Variants in RBFOX1 observed in about 807,000 individuals in gnomAD.
RBFOX1 encodes RNA binding fox-1 homolog 1, also known as RNA binding protein fox-1 homolog 1.
A neutral mutation model predicts 57.7 loss-of-function variants in RBFOX1; 8 were observed. The observed-to-expected ratio is 0.14, with a 90% confidence interval of 0.08 to 0.25. The LOEUF (loss-of-function observed/expected upper bound fraction) is 0.25, where lower values mean the gene tolerates loss of function less well. RBFOX1 is among the 10% of genes least tolerant of loss of function. RBFOX1 has a pLI of 1.00. For missense variants in RBFOX1, 611 were observed against 548.5 expected, an observed-to-expected ratio of 1.11 and a Z score of -1.14; for synonymous variants, 326 against 222.4, an observed-to-expected ratio of 1.47 and a Z score of -4.15.
At chr16:6,482,942 A>C (rs2095395318) in intron 2 of RBFOX1, among the ~76,000 whole-genome samples, 1 of 152,140 alleles carries the variant, frequency 6.6e-6, no homozygotes, top group African/African-American at 2.4e-5. Context: ...TCAAGTGCGG[A>C]CTCAGGGAAC....
chr16:6,707,026 C>A (rs1335616816), intron 3 of RBFOX1, among the ~76,000 whole-genome samples: 1 of 152,180 alleles, frequency 6.6e-6, no homozygotes, highest in African/African-American at 2.4e-5. Context: ...TATATCATCT[C>A]TAATGATCCA....
chr16:5,785,172 CG>C, intron 3 of RBFOX1, among the ~76,000 whole-genome samples: 1 of 152,110 alleles, frequency 6.6e-6, no homozygotes, highest in African/African-American at 2.4e-5. Context: ...GGACATTCAA[CG>C]GTCCTTGCTA....
chr16:5,605,623 A>AG (rs2047544965), intron 3 of RBFOX1, among the ~76,000 whole-genome samples: 1 of 151,262 alleles, frequency 6.6e-6, no homozygotes, highest in African/African-American at 2.4e-5. Context: ...TGGGTCTAGG[A>AG]GGGGAGAGTG....
At chr16:7,191,044 A>G (rs946566176) in intron 4 of RBFOX1, among the ~76,000 whole-genome samples, 4 of 152,072 alleles carry the variant, frequency 2.6e-5, no homozygotes, top group African/African-American at 9.7e-5. Context: ...GATCAATCCT[A>G]TTCGGGGACC....
intron 4 of RBFOX1, among the ~76,000 whole-genome samples, chr16:7,380,415 C>G (rs551680500): frequency 2.0e-5 from 3 of 151,976 alleles, no homozygotes; most frequent in South Asian, 2.1e-4. Context: ...GACTTTATGT[C>G]TATGACTCTG....
intron 3 of RBFOX1, among the ~76,000 whole-genome samples, chr16:6,925,085 CGTT>C (rs896725085): frequency 1.0e-4 from 11 of 109,056 alleles, no homozygotes; most frequent in Non-Finnish European, 1.4e-4. Flanking sequence ...TCCAGTCTAT[CGTT>C]GTTGGACATC....
chr16:7,559,139 G>C (rs963924343), intron 5 of RBFOX1, among the ~76,000 whole-genome samples: 3 of 152,216 alleles, frequency 2.0e-5, no homozygotes, highest in Non-Finnish European at 4.4e-5. Flanking sequence ...CAAAATGTCA[G>C]AGAAAGCTGC....
intron 1 of RBFOX1, among the ~76,000 whole-genome samples, chr16:6,258,386 AAAC>A (rs578256921): frequency 4.1e-4 from 62 of 152,286 alleles, no homozygotes; most frequent in African/African-American, 1.4e-3. Context: ...TGTGTTTCTA[AAAC>A]AACAATTTCT....
intron 2 of RBFOX1, among the ~76,000 whole-genome samples, chr16:6,595,221 C>A (rs11644222): frequency 1.3e-5 from 2 of 152,098 alleles, no homozygotes; most frequent in Non-Finnish European, 2.9e-5. Flanking sequence ...TACACCCTTA[C>A]CCCACCCTGT....
At chr16:7,611,850 T>C (rs965658177) in intron 10 of RBFOX1, among the ~76,000 whole-genome samples, 1 of 152,200 alleles carries the variant, frequency 6.6e-6, no homozygotes, top group Non-Finnish European at 1.5e-5. Context: ...TAAAAATCTT[T>C]CTAAATGCTT....
At chr16:5,405,205 C>T (rs190000123) in intron 1 of RBFOX1, among the ~76,000 whole-genome samples, 6 of 152,124 alleles carry the variant, frequency 3.9e-5, no homozygotes, top group Admixed American at 1.3e-4. Context: ...CAGGACCATG[C>T]GCTTCCTTGG....
chr16:7,121,660 A>C (rs903782135), intron 4 of RBFOX1, among the ~76,000 whole-genome samples: 1 of 152,054 alleles, frequency 6.6e-6, no homozygotes, highest in East Asian at 1.9e-4. Context: ...ATACAAATCA[A>C]AATTCTAGCA....
intron 2 of RBFOX1, among the ~76,000 whole-genome samples, chr16:6,607,812 C>T (rs1456054524): frequency 1.3e-5 from 2 of 152,126 alleles, no homozygotes; most frequent in South Asian, 2.1e-4. Flanking sequence ...TCCTAATGAG[C>T]GATCATAGAA....
intron 4 of RBFOX1, among the ~76,000 whole-genome samples, chr16:7,438,406 AT>A (rs960780613): frequency 6.6e-6 from 1 of 152,130 alleles, no homozygotes; most frequent in Non-Finnish European, 1.5e-5. Flanking sequence ...ATTTTATTAA[AT>A]TCAGATTAGC....
chr16:5,992,789 C>T (rs747382695), intron 4 of RBFOX1, among the ~76,000 whole-genome samples: 12 of 152,092 alleles, frequency 7.9e-5, no homozygotes, highest in Non-Finnish European at 1.0e-4. Context: ...CAAAAATTAG[C>T]TGGGCATGGT....
intron 3 of RBFOX1, among the ~76,000 whole-genome samples, chr16:5,785,111 C>T (rs2054456016): frequency 6.6e-6 from 1 of 152,102 alleles, no homozygotes; most frequent in Non-Finnish European, 1.5e-5. Context: ...TTTTACCTTC[C>T]ACGGATTTAT....
intron 12 of RBFOX1, among the ~76,000 whole-genome samples, chr16:7,656,417 G>A (rs887832162): frequency 6.8e-6 from 1 of 146,498 alleles, no homozygotes; most frequent in African/African-American, 2.5e-5. Flanking sequence ...AGAGAGCAGA[G>A]TGGGACCCAG....
chr16:6,892,775 C>CCTCTCTCTCTCTCTCTCTCT (rs750285832), intron 3 of RBFOX1, among the ~76,000 whole-genome samples: 14 of 84,702 alleles, frequency 1.7e-4, no homozygotes, highest in African/African-American at 5.6e-4. Flanking sequence ...TCCCTGTCTC[C>CCTCTCTCTCTCTCTCTCTCT]CTCTCTCTCT....
intron 2 of RBFOX1, among the ~76,000 whole-genome samples, chr16:5,472,716 G>C (rs1188659210): frequency 1.3e-5 from 2 of 152,184 alleles, no homozygotes; most frequent in African/African-American, 2.4e-5. Context: ...TGGCTTCCCA[G>C]TTGATCATTT....
Sources: gnomAD v4.1 joint callset for allele counts (sites outside exome capture counted in the v4.1 genomes callset) on GRCh38, gnomAD v4.1.1 for gene constraint, MANE v1.5 for transcripts, NCBI Gene and HGNC (gene_info 2026-07-23, HGNC 2026-07-21) for gene names.